The following GRM8 variants were observed in gnomAD, a reference collection of about 807,000 sequenced individuals.
GRM8 encodes the protein glutamate metabotropic receptor 8.
Under a neutral mutation model 87.2 loss-of-function variants are expected in GRM8, and 47 were observed. The observed-to-expected ratio is 0.54, with a 90% CI of 0.43 to 0.69. The LOEUF is 0.69. Among genes scored for constraint, GRM8 ranks in the 30% least tolerant of loss-of-function variants. The pLI, the probability that GRM8 is intolerant of heterozygous loss-of-function variation, is 0.00. For missense variants in GRM8, 1,019 were observed against 1,139.2 expected (o/e 0.89, Z 1.52); for synonymous variants, 396 against 404.5 (o/e 0.98, Z 0.25).
At chr7:126,608,133 C>T (rs1798548380) in intron 8 of GRM8, among the ~76,000 whole-genome samples, 1 of 151,898 alleles carries the variant, frequency 6.6e-6, no homozygotes. Context: ...CCTCCTTGCC[C>T]TCCCCACCCC....
chr7:126,859,793 T>C (rs974791134), intron 6 of GRM8, among the ~76,000 whole-genome samples: 1 of 152,192 alleles, frequency 6.6e-6, no homozygotes, highest in African/African-American at 2.4e-5. Flanking sequence ...AGATTCCACT[T>C]TCTTTCATGG....
At chr7:126,899,104 A>AGTGAGTGTGTGTGT (rs1801819686) in intron 6 of GRM8, among the ~76,000 whole-genome samples, 2 of 140,312 alleles carry the variant, frequency 1.4e-5, no homozygotes, top group African/African-American at 5.4e-5. Context: ...ACTGGTTAAC[A>AGTGAGTGTGTGTGT]GTGTGTGTGT....
chr7:127,233,125 C>G (rs1431488531), intron 2 of GRM8, among the ~76,000 whole-genome samples: 2 of 152,130 alleles, frequency 1.3e-5, no homozygotes, highest in African/African-American at 4.8e-5. Context: ...CCACCGCACC[C>G]AGCCTGGGTT....
At chr7:126,888,612 C>T (rs1265095947) in intron 6 of GRM8, among the ~76,000 whole-genome samples, 1 of 152,020 alleles carries the variant, frequency 6.6e-6, no homozygotes, top group African/African-American at 2.4e-5. Flanking sequence ...GATAATCTCC[C>T]TGTGGTTTGC....
chr7:126,720,180 G>GCTCTGT (rs1812226938), intron 7 of GRM8, among the ~76,000 whole-genome samples: 1 of 149,400 alleles, frequency 6.7e-6, no homozygotes, highest in African/African-American at 2.5e-5. Flanking sequence ...ATGGGATCTG[G>GCTCTGT]CTCTGTCACC....
chr7:126,843,238 G>C (rs1442359502), intron 6 of GRM8, among the ~76,000 whole-genome samples: 1 of 152,040 alleles, frequency 6.6e-6, no homozygotes, highest in African/African-American at 2.4e-5. Context: ...TCAGTAACTA[G>C]CAGTGTGCCT....
At chr7:126,657,375 G>A (rs1400526925) in intron 7 of GRM8, among the ~76,000 whole-genome samples, 1 of 152,112 alleles carries the variant, frequency 6.6e-6, no homozygotes, top group Non-Finnish European at 1.5e-5. Flanking sequence ...CAACCTAATA[G>A]AGCAGTGGAC....
intron 8 of GRM8, among the ~76,000 whole-genome samples, chr7:126,547,908 C>A (rs1298693815): frequency 1.6e-5 from 1 of 61,608 alleles, no homozygotes; most frequent in Non-Finnish European, 3.9e-5. Flanking sequence ...AAAAAAAAAA[C>A]CTAGTTGATG....
At chr7:127,101,524 C>T (rs1371352043) in intron 3 of GRM8, among the ~76,000 whole-genome samples, 4 of 152,112 alleles carry the variant, frequency 2.6e-5, no homozygotes, top group African/African-American at 4.8e-5. Context: ...ATATGTGTTG[C>T]ATCTCCCCCA....
chr7:126,698,954 T>C (rs1447933957), intron 7 of GRM8, among the ~76,000 whole-genome samples: 2 of 152,218 alleles, frequency 1.3e-5, no homozygotes, highest in East Asian at 1.9e-4. Flanking sequence ...AAAACCATCA[T>C]AGGCACTTTC....
At chr7:126,622,307 C>G (rs1489775892) in intron 7 of GRM8, among the ~76,000 whole-genome samples, 2 of 152,112 alleles carry the variant, frequency 1.3e-5, no homozygotes, top group South Asian at 2.1e-4. Context: ...CAGCATTGCT[C>G]TGCAATCCTA....
intron 9 of GRM8, among the ~76,000 whole-genome samples, chr7:126,466,502 T>C (rs7807141): frequency 0.17 from 25,790 of 151,910 alleles, 2,259 homozygotes; most frequent in Admixed American, 0.2. Context: ...ATGTATATAT[T>C]ATGGAAATTG....
intron 3 of GRM8, among the ~76,000 whole-genome samples, chr7:126,920,965 A>G (rs973315003): frequency 2.0e-5 from 3 of 152,090 alleles, no homozygotes; most frequent in Admixed American, 2.0e-4. Context: ...TGCTCGAGCT[A>G]AAGTAAAGCC....
intron 6 of GRM8, among the ~76,000 whole-genome samples, chr7:126,828,576 T>A (rs1392473581): frequency 1.3e-5 from 2 of 152,232 alleles, no homozygotes; most frequent in Non-Finnish European, 2.9e-5. Context: ...TATCATTTTT[T>A]ATTGCATCTA....
At chr7:127,147,485 T>A (rs1330478882) in intron 2 of GRM8, among the ~76,000 whole-genome samples, 7 of 152,012 alleles carry the variant, frequency 4.6e-5, no homozygotes. Flanking sequence ...AGCTGCAGTT[T>A]TCTCTTGGTC....
chr7:126,865,874 G>A (rs941971786), intron 6 of GRM8, among the ~76,000 whole-genome samples: 1 of 152,166 alleles, frequency 6.6e-6, no homozygotes, highest in African/African-American at 2.4e-5. Flanking sequence ...TAATATAAAT[G>A]ATGCTGTCAT....
chr7:126,483,430 C>A (rs1202810738), intron 9 of GRM8, among the ~76,000 whole-genome samples: 1 of 145,866 alleles, frequency 6.9e-6, no homozygotes, highest in Non-Finnish European at 1.5e-5. Context: ...TAAAACATAC[C>A]CTTAGTATTC....
At chr7:126,684,380 T>C (rs1807943150) in intron 7 of GRM8, among the ~76,000 whole-genome samples, 1 of 152,200 alleles carries the variant, frequency 6.6e-6, no homozygotes. Flanking sequence ...CAGGACTCTC[T>C]GGAAGAGAAT....
At chr7:126,768,364 A>AAAG (rs1175104519) in intron 7 of GRM8, among the ~76,000 whole-genome samples, 1 of 146,074 alleles carries the variant, frequency 6.8e-6, no homozygotes, top group Non-Finnish European at 1.5e-5. Context: ...ATGTAAAAAA[A>AAAG]AAAAAAAAAA....
Sources: allele counts gnomAD v4.1 joint callset (sites outside exome capture counted in the v4.1 genomes callset), GRCh38; gene constraint gnomAD v4.1.1; transcripts MANE v1.5; gene names NCBI Gene and HGNC (gene_info 2026-07-23, HGNC 2026-07-21).